Variants in KCNAB1 observed in about 807,000 individuals in gnomAD.
KCNAB1 encodes potassium voltage-gated channel subfamily A regulatory beta subunit 1.
KCNAB1 carries 35 observed loss-of-function variants against 64.6 expected under a neutral mutation model. The observed-to-expected ratio is 0.54, with a 90% confidence interval of 0.41 to 0.72. The LOEUF (loss-of-function observed/expected upper bound fraction) is 0.72. KCNAB1 is among the 30% of genes least tolerant of loss of function. KCNAB1 has a pLI of 0.00. For missense variants in KCNAB1, 401 were observed against 512.9 expected (o/e 0.78, Z 2.11); for synonymous variants, 177 against 183.8 (o/e 0.96, Z 0.30).
At chr3:156,439,029 CAAAA>C (rs34019255) in intron 2 of KCNAB1, among the ~76,000 whole-genome samples, 1 of 148,898 alleles carries the variant, frequency 6.7e-6, no homozygotes, top group African/African-American at 2.5e-5. Flanking sequence ...AAACAAAAAA[CAAAA>C]AAAAAAAACC....
intron 1 of KCNAB1, among the ~76,000 whole-genome samples, chr3:156,178,232 A>G (rs908310865): frequency 6.6e-5 from 10 of 152,222 alleles, no homozygotes; most frequent in Admixed American, 5.9e-4. Context: ...CATAGACTCT[A>G]TCAGTGGGTT....
chr3:156,388,017 G>C (rs1351198316), intron 1 of KCNAB1, among the ~76,000 whole-genome samples: 1 of 152,074 alleles, frequency 6.6e-6, no homozygotes, highest in Non-Finnish European at 1.5e-5. Flanking sequence ...ATTTATACTG[G>C]GTTTCATTTC....
At chr3:156,229,716 A>G (rs1348934650) in intron 1 of KCNAB1, among the ~76,000 whole-genome samples, 1 of 152,204 alleles carries the variant, frequency 6.6e-6, no homozygotes. Context: ...GGATTAACAC[A>G]GAAATGTATC....
At chr3:156,453,670 G>GCA (rs1365222899) in intron 3 of KCNAB1, among the ~76,000 whole-genome samples, 5 of 152,208 alleles carry the variant, frequency 3.3e-5, no homozygotes, top group African/African-American at 1.2e-4. Context: ...CATAAGTGAG[G>GCA]TATGCAGGCA....
intron 1 of KCNAB1, among the ~76,000 whole-genome samples, chr3:156,363,854 A>G (rs1043455628): frequency 1.3e-5 from 2 of 152,174 alleles, no homozygotes; most frequent in Admixed American, 6.6e-5. Context: ...GATTAACCCA[A>G]CCCATTTTCT....
chr3:156,286,235 G>A (rs1720093381), intron 1 of KCNAB1, among the ~76,000 whole-genome samples: 1 of 152,150 alleles, frequency 6.6e-6, no homozygotes, highest in African/African-American at 2.4e-5. Context: ...TTTATAGCTG[G>A]TTCAATTTCT....
intron 1 of KCNAB1, among the ~76,000 whole-genome samples, chr3:156,148,641 C>T (rs1715195447): frequency 6.6e-6 from 1 of 152,210 alleles, no homozygotes; most frequent in South Asian, 2.1e-4. Context: ...GTGCTTGGCT[C>T]ACTGCCTGCT....
At chr3:156,368,686 A>G (rs1321210961) in intron 1 of KCNAB1, among the ~76,000 whole-genome samples, 1 of 152,234 alleles carries the variant, frequency 6.6e-6, no homozygotes, top group East Asian at 1.9e-4. Flanking sequence ...GTGTGACCTC[A>G]GACTCATTCA....
chr3:156,312,764 C>T (rs1722014177), intron 1 of KCNAB1, among the ~76,000 whole-genome samples: 2 of 140,482 alleles, frequency 1.4e-5, no homozygotes, highest in East Asian at 2.1e-4. Context: ...TATGTGCATT[C>T]GAGTGGTCAA....
intron 1 of KCNAB1, among the ~76,000 whole-genome samples, chr3:156,353,064 T>C (rs926778079): frequency 1.3e-5 from 2 of 152,224 alleles, no homozygotes; most frequent in Admixed American, 1.3e-4. Flanking sequence ...TTGTAGCACA[T>C]ACCAAAGGAG....
intron 8 of KCNAB1, among the ~76,000 whole-genome samples, chr3:156,493,847 C>G (rs1471376196): frequency 6.6e-6 from 1 of 152,098 alleles, no homozygotes; most frequent in East Asian, 1.9e-4. Context: ...AGGAGGACCA[C>G]AGATATAATG....
chr3:156,234,676 A>G (rs1345949933), intron 1 of KCNAB1, among the ~76,000 whole-genome samples: 1 of 152,120 alleles, frequency 6.6e-6, no homozygotes, highest in East Asian at 1.9e-4. Context: ...GGGTACCACT[A>G]AGGGCTCCTA....
chr3:156,370,512 G>A (rs1726232229), intron 1 of KCNAB1, among the ~76,000 whole-genome samples: 1 of 152,130 alleles, frequency 6.6e-6, no homozygotes, highest in African/African-American at 2.4e-5. Context: ...TAATGCCCCA[G>A]GACACTAAGA....
In KCNAB1 at chr3:156,173,210, A is replaced by G. The variant is rs564120504; in HGVS notation, c.275+52324A>G. ...GGCCCTGACACAAAATTGGGTAGAA[A>G]TTGACTCAGCACTTTTCTTCTTAAG... On this transcript the variant is annotated intron_variant, in intron 1 of 13. Coordinates refer to ENST00000490337, the MANE Select transcript of KCNAB1 (RefSeq NM_172160.3). Among the ~76,000 whole-genome samples, 3 of 152,312 alleles carry G rather than the reference A, an allele frequency of 2.0e-5. No homozygotes were observed. The South Asian group carries it at 6.2e-4, about 32-fold the overall frequency.
intron 8 of KCNAB1, among the ~76,000 whole-genome samples, chr3:156,483,209 G>A (rs1398282970): frequency 3.9e-5 from 6 of 151,980 alleles, no homozygotes; most frequent in Non-Finnish European, 5.9e-5. Context: ...AAAGATGCCC[G>A]GGTCAGTAGT....
chr3:156,136,916 A>G (rs1429474831), intron 1 of KCNAB1, among the ~76,000 whole-genome samples: 1 of 152,256 alleles, frequency 6.6e-6, no homozygotes, highest in East Asian at 1.9e-4. Context: ...TGTGGGACCA[A>G]TGCAGAATAG....
intron 1 of KCNAB1, among the ~76,000 whole-genome samples, chr3:156,309,240 A>C (rs989476034): frequency 6.6e-6 from 1 of 152,262 alleles, no homozygotes. Context: ...GACACTGGAA[A>C]TATAAATTTT....
chr3:156,344,959 C>T (rs61376380), intron 1 of KCNAB1, among the ~76,000 whole-genome samples: 26 of 152,138 alleles, frequency 1.7e-4, no homozygotes, highest in African/African-American at 5.6e-4. Context: ...TCAAATGACC[C>T]TAAGCATTCT....
intron 1 of KCNAB1, among the ~76,000 whole-genome samples, chr3:156,390,739 T>C (rs6781728): frequency 0.3 from 44,983 of 151,960 alleles, 9,225 homozygotes; most frequent in African/African-American, 0.59. Context: ...CCTGCTACCA[T>C]GCCCGGCTAA....
Sources: allele counts gnomAD v4.1 joint callset (sites outside exome capture counted in the v4.1 genomes callset), GRCh38; gene constraint gnomAD v4.1.1; transcripts MANE v1.5; gene names NCBI Gene and HGNC (gene_info 2026-07-23, HGNC 2026-07-21).